The following LRFN5 variants were observed in gnomAD, a reference collection of about 807,000 sequenced individuals.
The protein encoded by LRFN5 is leucine rich repeat and fibronectin type III domain containing 5, also known as leucine-rich repeat and fibronectin type-III domain-containing protein 5.
Under a neutral mutation model 45.6 loss-of-function variants are expected in LRFN5, and 24 were observed. That is an observed-to-expected ratio of 0.53 (90% CI 0.38 to 0.74). LRFN5 has a LOEUF of 0.74. LRFN5 is among the 30% of genes least tolerant of loss of function. The probability of loss-of-function intolerance (pLI) is 0.00; values close to 1 mark genes in which losing one functional copy is unlikely to be tolerated. For synonymous variants in LRFN5, 340 were observed against 313.8 expected, an observed-to-expected ratio of 1.08 and a Z score of -0.88; for missense variants, 776 against 861.5, an observed-to-expected ratio of 0.90 and a Z score of 1.24.
chr14:41,826,596 A>C (rs1888303286), intron 2 of LRFN5, among the ~76,000 whole-genome samples: 3 of 152,112 alleles, frequency 2.0e-5, no homozygotes, highest in Admixed American at 2.0e-4. Context: ...AATAACTAAG[A>C]AATGTTTCGA....
At chr14:41,648,169 T>A (rs1466832682) in intron 1 of LRFN5, among the ~76,000 whole-genome samples, 1 of 152,142 alleles carries the variant, frequency 6.6e-6, no homozygotes, top group Non-Finnish European at 1.5e-5. Context: ...AATATAATAA[T>A]TCTTTTTACC....
intron 1 of LRFN5, among the ~76,000 whole-genome samples, chr14:41,717,812 G>A (rs1258525979): frequency 6.6e-6 from 1 of 152,098 alleles, no homozygotes; most frequent in African/African-American, 2.4e-5. Flanking sequence ...CCCAAAAAGG[G>A]AAGTCTTTTT....
At chr14:41,883,461 T>TA (rs1411947586) in intron 2 of LRFN5, among the ~76,000 whole-genome samples, 1 of 152,210 alleles carries the variant, frequency 6.6e-6, no homozygotes, top group East Asian at 1.9e-4. Context: ...TCCTTCAGCC[T>TA]AAAGACACTA....
intron 2 of LRFN5, among the ~76,000 whole-genome samples, chr14:41,842,551 A>G (rs1888899492): frequency 6.6e-6 from 1 of 152,138 alleles, no homozygotes; most frequent in East Asian, 1.9e-4. Flanking sequence ...TAAAATTTAT[A>G]ATAGTTGTAT....
At chr14:41,656,583 C>T (rs752441546) in intron 1 of LRFN5, among the ~76,000 whole-genome samples, 11 of 151,702 alleles carry the variant, frequency 7.3e-5, no homozygotes, top group Non-Finnish European at 1.2e-4. Flanking sequence ...ACAATTTAGA[C>T]GAGATCTGTC....
chr14:41,886,556 T>G, intron 2 of LRFN5, 50 bp from the exon 3 acceptor site: 1 of 1,189,848 alleles, frequency 8.4e-7, no homozygotes, highest in Non-Finnish European at 1.2e-6. Flanking sequence ...AATATGAATA[T>G]GAATTAAATC....
intron 4 of LRFN5, 71 bp from the exon 5 acceptor site, chr14:41,898,841 TTTCAG>T: frequency 7.3e-7 from 1 of 1,360,674 alleles, no homozygotes; most frequent in African/African-American, 1.5e-5. Flanking sequence ...ATTACCAAGA[TTTCAG>T]TAAGAGGTTT....
intron 1 of LRFN5, among the ~76,000 whole-genome samples, chr14:41,662,991 A>C (rs867631386): frequency 3.3e-5 from 5 of 152,208 alleles, no homozygotes; most frequent in Non-Finnish European, 5.9e-5. Context: ...CATGTGAATC[A>C]TAAGGGTGGT....
At chr14:41,749,637 A>G (rs952470926) in intron 1 of LRFN5, among the ~76,000 whole-genome samples, 2 of 152,106 alleles carry the variant, frequency 1.3e-5, no homozygotes, top group African/African-American at 4.8e-5. Flanking sequence ...GAATGCAAAG[A>G]AGGAAACAAT....
intron 2 of LRFN5, among the ~76,000 whole-genome samples, chr14:41,862,861 C>CTTTTTTTT (rs536861522): frequency 2.7e-5 from 3 of 110,232 alleles, no homozygotes; most frequent in African/African-American, 6.9e-5. Flanking sequence ...TTAAGTCTCT[C>CTTTTTTTT]TTTTTTTTTT....
intron 2 of LRFN5, among the ~76,000 whole-genome samples, chr14:41,838,209 CAT>C (rs1378683360): frequency 1.3e-5 from 2 of 152,110 alleles, no homozygotes; most frequent in East Asian, 1.9e-4. Flanking sequence ...TTGGTTCTGA[CAT>C]ATTATTTTTC....
intron 2 of LRFN5, among the ~76,000 whole-genome samples, chr14:41,852,732 G>T (rs868549760): frequency 1.3e-5 from 2 of 151,822 alleles, no homozygotes; most frequent in Non-Finnish European, 2.9e-5. Flanking sequence ...CTTCAAAAAC[G>T]TCTATGCTAT....
intron 2 of LRFN5, among the ~76,000 whole-genome samples, chr14:41,844,234 G>C (rs140685088): frequency 1.3e-5 from 2 of 151,798 alleles, no homozygotes; most frequent in African/African-American, 4.9e-5. Flanking sequence ...TCAGGAGATC[G>C]AGACCATCCT....
At chr14:41,787,936 G>T (rs1886787510) in intron 2 of LRFN5, among the ~76,000 whole-genome samples, 1 of 151,880 alleles carries the variant, frequency 6.6e-6, no homozygotes, top group Non-Finnish European at 1.5e-5. Context: ...CCTCCCAATG[G>T]AATTGGTGCC....
intron 1 of LRFN5, among the ~76,000 whole-genome samples, chr14:41,708,972 G>A (rs1883177643): frequency 1.9e-5 from 1 of 52,620 alleles, no homozygotes; most frequent in Non-Finnish European, 3.1e-5. Context: ...ATGATATTTT[G>A]AGCATTATTT....
intron 4 of LRFN5, chr14:41,894,958 G>T: frequency 1.0e-6 from 1 of 974,448 alleles, no homozygotes; most frequent in Non-Finnish European, 1.2e-6. Context: ...ACTATATGAA[G>T]ATTATATATA....
rs1328209070 is a variant in LRFN5 at position 41,734,290 on chromosome 14, C to T, written c.-196-32564C>T. On this transcript the variant is annotated intron_variant, in intron 1 of 5. Transcript: ENST00000298119. ...CCTCCCAAAGTACTGGGATTACAGG[C>T]GTGAGCCACCTTTCCTGGACTGGTT... is the stretch of plus-strand genomic sequence containing the variant. Among the ~76,000 whole-genome samples, 6 of 78,566 alleles carry T rather than the reference C, an allele frequency of 7.6e-5. No individual in the cohort carries two copies. The East Asian group carries it at 1.4e-3, about 18-fold the overall frequency. 51.5% of individuals were successfully genotyped at this position (78,566 alleles called of 152,430 possible).
chr14:41,744,029 A>G (rs552452650), intron 1 of LRFN5, among the ~76,000 whole-genome samples: 12 of 152,280 alleles, frequency 7.9e-5, no homozygotes, highest in African/African-American at 2.9e-4. Context: ...TGGTAACTAC[A>G]AATAAAATAC....
At chr14:41,848,289 A>G (rs1889139881) in intron 2 of LRFN5, among the ~76,000 whole-genome samples, 1 of 152,138 alleles carries the variant, frequency 6.6e-6, no homozygotes, top group Admixed American at 6.6e-5. Context: ...TAAGAAGCTG[A>G]TAACAGCTTT....
Sources: allele counts gnomAD v4.1 joint callset (sites outside exome capture counted in the v4.1 genomes callset), GRCh38; gene constraint gnomAD v4.1.1; transcripts MANE v1.5; gene names NCBI Gene and HGNC (gene_info 2026-07-23, HGNC 2026-07-21).